CEP290: variants seen among roughly 807,000 people sequenced by gnomAD.
CEP290 encodes centrosomal protein of 290 kDa.
In CEP290, 317 loss-of-function variants were observed where a neutral mutation model predicts 344.9. The ratio of observed to expected loss-of-function variants is 0.92; its 90% CI spans 0.84 to 1.01. CEP290 has a LOEUF of 1.01. Among genes scored for constraint, CEP290 ranks in the 50% least tolerant of loss-of-function variants. CEP290 has a pLI of 0.00. For synonymous variants in CEP290, 932 were observed against 895.8 expected (o/e 1.04, Z -0.72); for missense variants, 2,754 against 2,761.4 (o/e 1.00, Z 0.06).
In CEP290 at chr12:88,071,807, C is replaced by T. The variant is rs1195022621; in HGVS notation, c.5829G>A (p.Leu1943=). The change falls in exon 42 of 54, where the codon TTG becomes TTA. Residue 1943 remains leucine, a synonymous_variant. Transcript: ENST00000552810. Reference sequence around the variant, plus strand: ...TGGCAAAAAGATCCTTCAAAGTATTCAACTGCTTTGTTAAAGTAAAGACTT... The same window carrying T: ...TGGCAAAAAGATCCTTCAAAGTATTTAACTGCTTTGTTAAAGTAAAGACTT... ...EGEVFTLTKQ[L]NTLKDLFAKA... is the part of the protein sequence containing the mutation. 6.3e-7 allele frequency: 1 copy of T among 1,600,000 alleles called. No individual in the cohort carries two copies. The highest frequency in any genetic ancestry group is 8.5e-7 in the Non-Finnish European group (1 of 1,175,040).
At chr12:88,050,455 T>C in intron 52 of CEP290, 22 bp from the exon 53 acceptor site, 1 of 1,237,644 alleles carries the variant, frequency 8.1e-7, no homozygotes, top group Non-Finnish European at 1.2e-6. Flanking sequence ...GTCATACAAA[T>C]TAGACTCAGC....
intron 32 of CEP290, among the ~76,000 whole-genome samples, chr12:88,087,031 A>C (rs1439032418): frequency 6.6e-6 from 1 of 152,194 alleles, no homozygotes; most frequent in Non-Finnish European, 1.5e-5. Flanking sequence ...CATTTGAGCT[A>C]AGACCTGCAG....
intron 25 of CEP290, among the ~76,000 whole-genome samples, chr12:88,105,059 T>C (rs1358762339): frequency 9.2e-5 from 14 of 152,176 alleles, no homozygotes; most frequent in Non-Finnish European, 2.1e-4. Context: ...TGATGCCCAG[T>C]GGCCAGTTTT....
rs2136726676 is a variant in CEP290, at chr12:88,059,966, C to T, written c.6577G>A (p.Glu2193Lys). 1 of 1,588,392 alleles carries T rather than the reference C, an allele frequency of 6.3e-7. No homozygotes were observed. Among genetic ancestry groups the T allele is most frequent in the South Asian group, 1.2e-5 (1 of 86,358 alleles). Residue 2193 changes from glutamate to lysine, a missense_variant, in exon 48 of 54, where the codon GAA (glutamate) becomes AAA (lysine). Physicochemically the swap from Glu to Lys is moderately conservative, Grantham distance 56. Coordinates refer to ENST00000552810, the MANE Select transcript of CEP290 (RefSeq NM_025114.4). ...HLGHQLSMHY[E>K]SKTKGTEKII... ...TTTTCTGTGCCTTTGGTCTTGGATT[C>T]ATAGTGCATGCTCAACTGATGCCCA...
intron 34 of CEP290, 118 bp downstream of exon 34, chr12:88,085,921 G>C (rs1368324896): frequency 1.1e-6 from 1 of 913,082 alleles, no homozygotes; most frequent in African/African-American, 1.7e-5. Flanking sequence ...TAGAAAAATA[G>C]TGAAATTAGC....
chr12:88,053,979 C>T (rs1021912695), intron 51 of CEP290, among the ~76,000 whole-genome samples: 1 of 152,044 alleles, frequency 6.6e-6, no homozygotes, highest in African/African-American at 2.4e-5. Flanking sequence ...AGTGTGGTTT[C>T]GTTATAAGAG....
Position 88,080,234 on chromosome 12 carries a change from T to C in CEP290, c.5174A>G (p.Asn1725Ser), listed in dbSNP as rs373289214. The C allele has an allele frequency of 3.1e-6, 5 of 1,613,272 alleles. No homozygotes were observed. The highest frequency in any genetic ancestry group is 4.2e-6 in the Non-Finnish European group (5 of 1,179,542). ...TTGGCTCTTTAGCCGTTCTACTAGA[T>C]TTCTCATTGTAGTTGTTGGAGCTCT... is the stretch of plus-strand genomic sequence containing the variant. ...NSRAPTTTMR[N>S]LVERLKSQLA... The change falls in exon 38 of 54, where the codon AAT becomes AGT. Residue 1725 changes from asparagine to serine, a missense_variant. Asn to Ser is a conservative substitution (Grantham distance 46). Transcript: ENST00000552810.
At chr12:88,112,242 T>C (rs2038739675) in intron 20 of CEP290, among the ~76,000 whole-genome samples, 1 of 152,114 alleles carries the variant, frequency 6.6e-6, no homozygotes, top group African/African-American at 2.4e-5. Flanking sequence ...ATGTGAGCTC[T>C]GCTCCCTACA....
intron 37 of CEP290, among the ~76,000 whole-genome samples, chr12:88,081,646 C>T (rs1305399472): frequency 6.6e-6 from 1 of 152,182 alleles, no homozygotes; most frequent in East Asian, 1.9e-4. Flanking sequence ...AGAAATCACA[C>T]AGATCCATAA....
intron 27 of CEP290, among the ~76,000 whole-genome samples, chr12:88,094,410 C>A (rs1199385140): frequency 6.6e-6 from 1 of 152,012 alleles, no homozygotes; most frequent in African/African-American, 2.4e-5. Flanking sequence ...CAAAGCCAAG[C>A]TGAAAAGTAA....
At chr12:88,064,517 C>T (rs1277066838) in intron 44 of CEP290, among the ~76,000 whole-genome samples, 8 of 152,064 alleles carry the variant, frequency 5.3e-5, no homozygotes, top group African/African-American at 1.4e-4. Context: ...TTTCCAGTAC[C>T]TCAGAATGTG....
chr12:88,059,891 G>T lies in CEP290; in HGVS notation c.6645+7C>A. ...TCAAAAGTTATAATCAGTCATAAAAGTCATACTTTTTTAAGTTCTTTACGA... is the reference window on the plus strand; with the variant it reads ...TCAAAAGTTATAATCAGTCATAAAATTCATACTTTTTTAAGTTCTTTACGA... On this transcript the variant is annotated splice_region_variant and intron_variant, in intron 48 of 53. Transcript: ENST00000552810. The T allele has an allele frequency of 6.4e-7, 1 of 1,573,552 alleles. No individual in the cohort carries two copies. The highest frequency in any genetic ancestry group is 8.6e-7 in the Non-Finnish European group (1 of 1,164,206).
At chr12:88,050,607 C>T (rs188095083) in intron 52 of CEP290, among the ~76,000 whole-genome samples, 174 bp from the exon 53 acceptor site, 89 of 152,270 alleles carry the variant, frequency 5.8e-4, no homozygotes, top group African/African-American at 2.1e-3. Flanking sequence ...TGCCTCCCTC[C>T]ATCAAGTATT....
At position 88,084,610 on chromosome 12, in the gene CEP290, T is replaced by C. The variant is rs2036436821; in HGVS notation, c.4680A>G (p.Gln1560=). The stretch of plus-strand genomic sequence containing the variant: ...CCTCTCTGGCTTTTTCTAGAAGACG[T>C]TGATACTTCTTTAATACTTCTTCTT... ...NQKEEVLKKY[Q]RLLEKAREEQ... The change falls in exon 35 of 54, where the codon CAA becomes CAG. Residue 1560 remains glutamine, a synonymous_variant. Coordinates refer to ENST00000552810, the MANE Select transcript of CEP290 (RefSeq NM_025114.4). The C allele has an allele frequency of 3.1e-6, 5 of 1,612,130 alleles. No homozygotes were observed. In the Admixed American group the frequency reaches 5.0e-5, roughly 16 times the overall value.
At chr12:88,080,054 T>C in intron 38 of CEP290, 128 bp downstream of exon 38, 1 of 665,512 alleles carries the variant, frequency 1.5e-6, no homozygotes, top group Non-Finnish European at 2.5e-6. Context: ...CAGCATAAGA[T>C]AAAGCTCATA....
chr12:88,110,637 A>C (rs894336475), intron 22 of CEP290, among the ~76,000 whole-genome samples: 4 of 152,108 alleles, frequency 2.6e-5, no homozygotes, highest in African/African-American at 9.7e-5. Flanking sequence ...TAAACTCAGG[A>C]GGTGGAAGTT....
chr12:88,124,661 T>C (rs1335109389), intron 13 of CEP290, among the ~76,000 whole-genome samples: 1 of 152,108 alleles, frequency 6.6e-6, no homozygotes, highest in Non-Finnish European at 1.5e-5. Context: ...CATATATACA[T>C]AGTCACCAAT....
At chr12:88,074,223 C>T (rs2035594153) in intron 41 of CEP290, among the ~76,000 whole-genome samples, 1 of 150,972 alleles carries the variant, frequency 6.6e-6, no homozygotes, top group South Asian at 2.1e-4. Context: ...AAAACTCCAT[C>T]TCAAAAAAAA....
At chr12:88,119,382 G>C (rs1045521475) in intron 15 of CEP290, among the ~76,000 whole-genome samples, 1 of 151,856 alleles carries the variant, frequency 6.6e-6, no homozygotes, top group Non-Finnish European at 1.5e-5. Flanking sequence ...TAACTAATAG[G>C]CTATTTATTA....
Sources: allele counts gnomAD v4.1 joint callset (sites outside exome capture counted in the v4.1 genomes callset), GRCh38; gene constraint gnomAD v4.1.1; transcripts MANE v1.5; gene names NCBI Gene and HGNC (gene_info 2026-07-23, HGNC 2026-07-21).